VPS13B: variants seen among roughly 807,000 people sequenced by gnomAD.
The protein encoded by VPS13B is intermembrane lipid transfer protein VPS13B.
A neutral mutation model predicts 426.4 loss-of-function variants in VPS13B; 285 were observed. The ratio of observed to expected loss-of-function variants is 0.67; its 90% CI spans 0.61 to 0.74. VPS13B has a LOEUF of 0.74. VPS13B is among the 30% of genes least tolerant of loss of function. VPS13B has a pLI of 0.00. For synonymous variants in VPS13B, 1,676 were observed against 1,676.4 expected (o/e 1.00, Z 0.01); for missense variants, 4,537 against 4,782.6 (o/e 0.95, Z 1.51).
chr8:99,831,177 A>C (rs1285802392), intron 51 of VPS13B, among the ~76,000 whole-genome samples: 1 of 146,984 alleles, frequency 6.8e-6, no homozygotes, highest in Admixed American at 7.1e-5. Context: ...GGTTCAAGCG[A>C]TTCTCCTGCC....
intron 36 of VPS13B, among the ~76,000 whole-genome samples, chr8:99,712,640 C>A (rs1832750037): frequency 6.6e-6 from 1 of 152,010 alleles, no homozygotes; most frequent in African/African-American, 2.4e-5. Flanking sequence ...GTTCCAGCCT[C>A]CCAAATGTTT....
intron 19 of VPS13B, among the ~76,000 whole-genome samples, chr8:99,378,596 C>G (rs1030865965): frequency 6.6e-6 from 1 of 152,150 alleles, no homozygotes; most frequent in Non-Finnish European, 1.5e-5. Flanking sequence ...ATTTGGAGAA[C>G]TAACAAATGT....
At chr8:99,811,866 T>A (rs545145017) in intron 44 of VPS13B, among the ~76,000 whole-genome samples, 204 of 152,276 alleles carry the variant, frequency 1.3e-3, no homozygotes, top group African/African-American at 4.5e-3. Context: ...GTAAAATGCT[T>A]ACAACGTGCC....
At chr8:99,685,465 C>T (rs897039694) in intron 35 of VPS13B, among the ~76,000 whole-genome samples, 2 of 152,178 alleles carry the variant, frequency 1.3e-5, no homozygotes, top group Non-Finnish European at 2.9e-5. Context: ...TTCACATAAT[C>T]TAGTTCCTTG....
At chr8:99,229,351 T>G (rs1403650438) in intron 17 of VPS13B, among the ~76,000 whole-genome samples, 1 of 152,216 alleles carries the variant, frequency 6.6e-6, no homozygotes, top group African/African-American at 2.4e-5. Flanking sequence ...GCTGAAAAGC[T>G]GAAGTCAACT....
At chr8:99,368,624 A>G (rs1813012256) in intron 19 of VPS13B, among the ~76,000 whole-genome samples, 2 of 152,138 alleles carry the variant, frequency 1.3e-5, no homozygotes, top group South Asian at 2.1e-4. Context: ...TTACTATCTC[A>G]GGTCATGCCT....
At chr8:99,464,296 A>G (rs1818992409) in intron 23 of VPS13B, among the ~76,000 whole-genome samples, 1 of 152,194 alleles carries the variant, frequency 6.6e-6, no homozygotes, top group Non-Finnish European at 1.5e-5. Context: ...AAGTATCTCC[A>G]ATATTGACCA....
At chr8:99,142,082 A>C (rs1810457945) in intron 12 of VPS13B, among the ~76,000 whole-genome samples, 1 of 152,008 alleles carries the variant, frequency 6.6e-6, no homozygotes. Context: ...TCAATCAATT[A>C]ATCTAATTCA....
chr8:99,562,978 G>A (rs1477331978), intron 31 of VPS13B, among the ~76,000 whole-genome samples: 2 of 152,112 alleles, frequency 1.3e-5, no homozygotes, highest in East Asian at 1.9e-4. Flanking sequence ...AACATAGTGA[G>A]ACCTTGTCTC....
chr8:99,475,596 G>A (rs901539812), intron 24 of VPS13B, among the ~76,000 whole-genome samples: 1 of 152,188 alleles, frequency 6.6e-6, no homozygotes, highest in Non-Finnish European at 1.5e-5. Flanking sequence ...CAAAACTAGA[G>A]TACTTGGTAT....
At chr8:99,020,475 T>A (rs1841830670) in intron 2 of VPS13B, among the ~76,000 whole-genome samples, 1 of 152,156 alleles carries the variant, frequency 6.6e-6, no homozygotes, top group Non-Finnish European at 1.5e-5. Context: ...TGCACCAAAG[T>A]TTTTAATTTT....
At chr8:99,436,688 C>A (rs1451443866) in intron 22 of VPS13B, among the ~76,000 whole-genome samples, 1 of 152,058 alleles carries the variant, frequency 6.6e-6, no homozygotes, top group Admixed American at 6.6e-5. Context: ...AAATTAGATT[C>A]TCATTAAATG....
chr8:99,140,282 T>C (rs1810334092), intron 12 of VPS13B, among the ~76,000 whole-genome samples: 1 of 150,430 alleles, frequency 6.6e-6, no homozygotes, highest in Non-Finnish European at 1.5e-5. Flanking sequence ...GGAGAATCAC[T>C]TGAAACCGGA....
At chr8:99,686,314 C>T (rs1010188670) in intron 35 of VPS13B, among the ~76,000 whole-genome samples, 4 of 152,112 alleles carry the variant, frequency 2.6e-5, no homozygotes, top group Admixed American at 6.5e-5. Flanking sequence ...GAGTCATACC[C>T]GAAGCCAACA....
intron 19 of VPS13B, among the ~76,000 whole-genome samples, chr8:99,363,307 T>C (rs1287018960): frequency 2.0e-5 from 3 of 152,194 alleles, no homozygotes; most frequent in Admixed American, 2.0e-4. Flanking sequence ...TTGTTGAAAA[T>C]GAGTTCACTG....
intron 19 of VPS13B, among the ~76,000 whole-genome samples, chr8:99,287,402 C>A (rs962768215): frequency 2.7e-4 from 41 of 151,876 alleles, no homozygotes; most frequent in Non-Finnish European, 5.5e-4. Flanking sequence ...GTTTCCAAGC[C>A]TCACCAAAGT....
At chr8:99,834,305 A>G (rs748008497) in intron 52 of VPS13B, among the ~76,000 whole-genome samples, 2 of 152,236 alleles carry the variant, frequency 1.3e-5, no homozygotes, top group Non-Finnish European at 2.9e-5. Context: ...TGTAATCTAA[A>G]TAGGAAAATT....
intron 19 of VPS13B, among the ~76,000 whole-genome samples, chr8:99,372,916 A>G (rs1422203682): frequency 6.6e-6 from 1 of 152,214 alleles, no homozygotes; most frequent in Non-Finnish European, 1.5e-5. Context: ...AACCCATCCA[A>G]ATGCCCATCA....
chr8:99,729,452 A>G (rs1833497740), intron 39 of VPS13B, among the ~76,000 whole-genome samples: 2 of 152,166 alleles, frequency 1.3e-5, no homozygotes, highest in Non-Finnish European at 2.9e-5. Flanking sequence ...CTCAAAATGT[A>G]GGTTAGGCAA....
Sources: gnomAD v4.1 joint callset for allele counts (sites outside exome capture counted in the v4.1 genomes callset) on GRCh38, gnomAD v4.1.1 for gene constraint, MANE v1.5 for transcripts, NCBI Gene and HGNC (gene_info 2026-07-23, HGNC 2026-07-21) for gene names.